PATJ: variants seen among roughly 807,000 people sequenced by gnomAD.
PATJ encodes PATJ crumbs cell polarity complex component, also known as inaD-like protein.
PATJ carries 190 observed loss-of-function variants against 224.9 expected under a neutral mutation model. That is an observed-to-expected ratio of 0.84 (90% CI 0.75 to 0.95). PATJ has a LOEUF of 0.95. Ranked by LOEUF, PATJ falls within the 40% of genes least tolerant of loss-of-function variation. The pLI, the probability that PATJ is intolerant of heterozygous loss-of-function variation, is 0.00. For missense variants in PATJ, 2,121 were observed against 2,270.3 expected, an observed-to-expected ratio of 0.93 and a Z score of 1.34; for synonymous variants, 769 against 820.3, an observed-to-expected ratio of 0.94 and a Z score of 1.07.
chr1:61,843,890 C>T (rs17371694), intron 17 of PATJ, among the ~76,000 whole-genome samples: 18,144 of 151,904 alleles, frequency 0.12, 1,175 homozygotes, highest in South Asian at 0.24. Flanking sequence ...TTAAAAGATA[C>T]GAGCCAGTAT....
intron 27 of PATJ, among the ~76,000 whole-genome samples, chr1:61,928,383 A>C (rs987880562): frequency 2.0e-5 from 3 of 152,178 alleles, no homozygotes; most frequent in Non-Finnish European, 4.4e-5. Flanking sequence ...ATGTATACCA[A>C]ATTTCTTTTG....
chr1:62,115,646 G>T (rs191336737), intron 35 of PATJ, among the ~76,000 whole-genome samples: 1 of 147,720 alleles, frequency 6.8e-6, no homozygotes, highest in East Asian at 2.0e-4. Flanking sequence ...TCCCAACAGG[G>T]CTATAGGATT....
chr1:61,914,465 A>T (rs1371689721), intron 25 of PATJ, 122 bp from the exon 26 acceptor site: 1 of 491,868 alleles, frequency 2.0e-6, no homozygotes, highest in East Asian at 3.6e-5. Flanking sequence ...TCAGAAAAAG[A>T]AAAAAACAGA....
chr1:61,861,284 C>CTTTTTTTTTTTTTTTTTTTTTTT lies in PATJ; in HGVS notation c.2323-266_2323-244dup. Among the ~76,000 whole-genome samples the CTTTTTTTTTTTTTTTTTTTTTTT allele has an allele frequency of 1.6e-3, 77 of 48,856 alleles. 13 individuals are homozygous for CTTTTTTTTTTTTTTTTTTTTTTT. Among genetic ancestry groups the CTTTTTTTTTTTTTTTTTTTTTTT allele is most frequent in the East Asian group, 9.1e-3 (6 of 660 alleles). The allele number at this position is 48,856 out of a possible 152,430, so 32.1% of individuals were successfully genotyped here. ...TGAAACCAGGATATTTTCTTTCTTT[C>CTTTTTTTTTTTTTTTTTTTTTTT]TTTTTTTTTTTTTTTTTTTTTTTAC... On this transcript the variant is annotated intron_variant, in intron 18 of 43. Coordinates refer to ENST00000642238, the MANE Select transcript of PATJ (RefSeq NM_001350145.3).
chr1:61,941,007 A>G (rs6693783), intron 27 of PATJ, among the ~76,000 whole-genome samples: 10,895 of 152,056 alleles, frequency 0.072, 1,157 homozygotes, highest in African/African-American at 0.23. Flanking sequence ...TTCTCTTCTT[A>G]CTCTTTATTT....
chr1:61,755,229 A>G (rs1482183217), intron 1 of PATJ, among the ~76,000 whole-genome samples: 2 of 151,390 alleles, frequency 1.3e-5, no homozygotes, highest in East Asian at 3.9e-4. Context: ...GAATGGTGTG[A>G]ACCCAGGAGG....
At position 61,908,354 on chromosome 1, in the gene PATJ, C is replaced by T; in HGVS notation, c.3382-18C>T. 6.5e-7 allele frequency: 1 copy of T among 1,539,670 alleles called. No individual in the cohort carries two copies. The highest frequency in any genetic ancestry group is 1.7e-5 in the Admixed American group (1 of 59,830). On this transcript the variant is annotated intron_variant, in intron 24 of 43. Coordinates refer to ENST00000642238, the MANE Select transcript of PATJ (RefSeq NM_001350145.3). ...TCTAGTGCTGTTCTAATTGAAATAA[C>T]TTGCTTCTGTGTTTCAGGTGTCTGG...
intron 27 of PATJ, among the ~76,000 whole-genome samples, chr1:61,968,558 A>AT (rs907925135): frequency 2.0e-5 from 3 of 152,070 alleles, no homozygotes; most frequent in Non-Finnish European, 4.4e-5. Context: ...TTTTTAATGT[A>AT]TTTTTTTAAT....
chr1:61,771,441 T>G lies in PATJ; in HGVS notation c.535T>G (p.Leu179Val). 6.3e-7 allele frequency: 1 copy of G among 1,587,042 alleles called. No homozygotes were observed. The change falls in exon 6 of 44, where the codon TTA becomes GTA. Residue 179 changes from leucine (L) to valine (V), a missense_variant. By Grantham distance (32) the Leu-to-Val change is conservative. Coordinates refer to ENST00000642238, the MANE Select transcript of PATJ (RefSeq NM_001350145.3). ...PGSVADRDQR[L>V]KENDQILAIN... ...TCTTACATGATTAAGGGATCAAAGA[T>G]TAAAGGAAAATGATCAAATATTGGC...
At chr1:61,842,437 A>C (rs1286998464) in intron 17 of PATJ, among the ~76,000 whole-genome samples, 12 of 152,188 alleles carry the variant, frequency 7.9e-5, no homozygotes. Flanking sequence ...CAGCTTTCTC[A>C]TAGGGTAGCT....
Position 61,966,000 on chromosome 1 carries a change from C to T in PATJ, c.3671-24168C>T, listed in dbSNP as rs182832508. Among the ~76,000 whole-genome samples, 19 of 152,344 alleles carry T rather than the reference C, an allele frequency of 1.2e-4. No homozygotes were observed. In the East Asian group the frequency reaches 3.1e-3, roughly 25 times the overall value. On this transcript the variant is annotated intron_variant, in intron 27 of 43. Coordinates refer to ENST00000642238, the MANE Select transcript of PATJ (RefSeq NM_001350145.3). ...CACCACAACTTCCGCCTCCCATGTTCAAGGGATTCTCTTGCCTCAGCTTCC... is the reference window on the plus strand; with the variant it reads ...CACCACAACTTCCGCCTCCCATGTTTAAGGGATTCTCTTGCCTCAGCTTCC...
chr1:61,933,953 C>T (rs896089018), intron 27 of PATJ, among the ~76,000 whole-genome samples: 9 of 147,226 alleles, frequency 6.1e-5, no homozygotes, highest in African/African-American at 1.0e-4. Context: ...TTTTTTTTTT[C>T]GAGATGGAGT....
chr1:62,079,708 G>A, intron 32 of PATJ, 141 bp downstream of exon 32: 1 of 653,392 alleles, frequency 1.5e-6, no homozygotes, highest in Non-Finnish European at 2.8e-6. Flanking sequence ...TTTGGGGCTT[G>A]GATAGGTCAC....
At chr1:61,952,114 T>G in intron 27 of PATJ, 1 of 424,278 alleles carries the variant, frequency 2.4e-6, no homozygotes, top group Non-Finnish European at 4.2e-6. Flanking sequence ...ATTTTGCTTC[T>G]CCGGCATAGT....
chr1:62,114,937 AG>A (rs1319776379), intron 35 of PATJ: 1 of 152,062 alleles, frequency 6.6e-6, no homozygotes, highest in Non-Finnish European at 1.5e-5. Flanking sequence ...AAAGGAAAAA[AG>A]AAAGATGTCC....
At chr1:61,839,219 G>C (rs1240186776) in intron 17 of PATJ, among the ~76,000 whole-genome samples, 1 of 151,258 alleles carries the variant, frequency 6.6e-6, no homozygotes, top group East Asian at 1.9e-4. Flanking sequence ...TTTATTATAG[G>C]GCATCCATAC....
intron 31 of PATJ, among the ~76,000 whole-genome samples, chr1:62,066,975 T>C (rs1656560578): frequency 6.6e-6 from 1 of 151,864 alleles, no homozygotes; most frequent in Non-Finnish European, 1.5e-5. Context: ...GAACCAACCT[T>C]AGGTTCTACA....
intron 33 of PATJ, among the ~76,000 whole-genome samples, chr1:62,088,252 G>A (rs1038589247): frequency 4.6e-5 from 7 of 152,068 alleles, no homozygotes; most frequent in East Asian, 1.9e-4. Flanking sequence ...TTTGACTAGC[G>A]CCAGCCACCC....
At chr1:62,117,728 T>C (rs1664601030) in intron 37 of PATJ, among the ~76,000 whole-genome samples, 1 of 151,870 alleles carries the variant, frequency 6.6e-6, no homozygotes, top group African/African-American at 2.4e-5. Flanking sequence ...AAACATCTTA[T>C]ATTTATTTGC....
Sources: allele counts gnomAD v4.1 joint callset (sites outside exome capture counted in the v4.1 genomes callset), GRCh38; gene constraint gnomAD v4.1.1; transcripts MANE v1.5; gene names NCBI Gene and HGNC (gene_info 2026-07-23, HGNC 2026-07-21).